The following NXPE4 variants were observed in gnomAD, a reference collection of about 807,000 sequenced individuals.
NXPE4 encodes the protein NXPE family member 4.
In NXPE4, 42 loss-of-function variants were observed where a neutral mutation model predicts 33.3. The ratio of observed to expected loss-of-function variants is 1.26; its 90% CI spans 0.98 to 1.63. The LOEUF (loss-of-function observed/expected upper bound fraction) is 1.63. NXPE4 is among the 40% of genes most tolerant of loss of function. The probability of loss-of-function intolerance (pLI) is 0.00; values close to 1 mark genes in which losing one functional copy is unlikely to be tolerated. For synonymous variants in NXPE4, 253 were observed against 234.9 expected (o/e 1.08, Z -0.71); for missense variants, 709 against 647.6 (o/e 1.09, Z -1.03).
chr11:114,649,131 G>GT, the NXPE4 span, among the ~76,000 whole-genome samples: 37,679 of 145,014 alleles, frequency 0.26, 4,845 homozygotes, highest in South Asian at 0.33. Context: ...AGCTTGTCAT[G>GT]TTTTTTTTTT....
At chr11:114,639,810 T>TAATATAAAATATATATTATATTA in the NXPE4 span, among the ~76,000 whole-genome samples, 1 of 77,950 alleles carries the variant, frequency 1.3e-5, no homozygotes, top group African/African-American at 4.7e-5. Context: ...AAATATAAAA[T>TAATATAAAATATATATTATATTA]AATATAAAAT....
intron 1 of NXPE4, 51 bp from the exon 2 acceptor site, chr11:114,594,820 A>G (rs775326859): frequency 1.5e-4 from 144 of 939,492 alleles, no homozygotes; most frequent in Middle Eastern, 5.5e-4. Context: ...CAAAACAGAA[A>G]AGCAAACAAA....
At chr11:114,667,856 A>G in the NXPE4 span, among the ~76,000 whole-genome samples, 11 of 152,142 alleles carry the variant, frequency 7.2e-5, 1 homozygote, top group Admixed American at 5.9e-4. Context: ...AGAACCACCC[A>G]AATAAGCCAC....
the NXPE4 span, among the ~76,000 whole-genome samples, chr11:114,610,582 T>C: frequency 9.4e-6 from 1 of 106,706 alleles, no homozygotes; most frequent in African/African-American, 3.0e-5. Context: ...CGGTGGATAA[T>C]AGGTATTGCC....
In NXPE4 at chr11:114,594,654, C is replaced by T. The variant is rs1439258889; in HGVS notation, c.96+10G>A. The T allele has an allele frequency of 1.3e-6, 2 of 1,557,538 alleles. No homozygotes were observed. The highest frequency in any genetic ancestry group is 8.8e-7 in the Non-Finnish European group (1 of 1,134,452). ...GCTTCTGTAAACCACATAAATAAAG[C>T]ATTTCCTACCTTTGTGGAGTTCTGG... On this transcript the variant is annotated intron_variant, in intron 2 of 5. Transcript: ENST00000375478.
the NXPE4 span, among the ~76,000 whole-genome samples, chr11:114,629,368 A>ATTGATTTAT: frequency 6.6e-6 from 1 of 152,106 alleles, no homozygotes; most frequent in Non-Finnish European, 1.5e-5. Flanking sequence ...GGTTCAATAT[A>ATTGATTTAT]CACAAATCAA....
At chr11:114,583,577 TTCTG>T (rs1949207547) in intron 2 of NXPE4, 1 of 595,212 alleles carries the variant, frequency 1.7e-6, no homozygotes, top group African/African-American at 1.9e-5. Context: ...CCTGTTTGAC[TTCTG>T]TCAGTTGTCT....
chr11:114,660,513 C>T, the NXPE4 span, among the ~76,000 whole-genome samples: 1 of 151,592 alleles, frequency 6.6e-6, no homozygotes, highest in East Asian at 1.9e-4. Context: ...GAAGAAAAAC[C>T]CTATGATAAT....
At chr11:114,595,169 C>T (rs114389767) in intron 1 of NXPE4, among the ~76,000 whole-genome samples, 2,051 of 152,240 alleles carry the variant, frequency 0.013, 37 homozygotes, top group African/African-American at 0.047. Flanking sequence ...AGAACCACAT[C>T]ATTACAGTGC....
chr11:114,629,520 T>G, the NXPE4 span, among the ~76,000 whole-genome samples: 1 of 151,502 alleles, frequency 6.6e-6, no homozygotes, highest in South Asian at 2.1e-4. Flanking sequence ...GGGACATATC[T>G]CAAAATAATA....
chr11:114,677,630 T>C, the NXPE4 span, among the ~76,000 whole-genome samples: 1 of 152,114 alleles, frequency 6.6e-6, no homozygotes, highest in African/African-American at 2.4e-5. Context: ...ATATCCATGC[T>C]GTTATATAGA....
At chr11:114,633,323 T>C in the NXPE4 span, among the ~76,000 whole-genome samples, 1 of 141,508 alleles carries the variant, frequency 7.1e-6, no homozygotes, top group Non-Finnish European at 1.5e-5. Flanking sequence ...AATTATATTA[T>C]GTGGTATTAC....
chr11:114,582,529 G>C lies in NXPE4; in HGVS notation c.589C>G (p.Gln197Glu). ...GTGAAGATCACCCTGTCATAGCCTT[G>C]GTTCCTTGCACTCCAGAGAGCTGAC... is the stretch of plus-strand genomic sequence containing the variant. ...GVSALWSARN[Q>E]GYDRVIFTGQ... Residue 197 changes from glutamine (Q) to glutamate (E), a missense_variant, in exon 3 of 6, where the codon CAA (glutamine) becomes GAA (glutamate). Transcript: ENST00000375478. The C allele has an allele frequency of 6.2e-7, 1 of 1,614,118 alleles. No homozygotes were observed. Among genetic ancestry groups the C allele is most frequent in the Admixed American group, 1.7e-5 (1 of 60,020 alleles).
At chr11:114,588,652 G>T (rs890797191) in intron 2 of NXPE4, among the ~76,000 whole-genome samples, 2 of 152,140 alleles carry the variant, frequency 1.3e-5, no homozygotes, top group Non-Finnish European at 2.9e-5. Context: ...CATCACAGAT[G>T]AATAGAAAAG....
At chr11:114,629,105 T>C in the NXPE4 span, among the ~76,000 whole-genome samples, 1 of 152,084 alleles carries the variant, frequency 6.6e-6, no homozygotes, top group African/African-American at 2.4e-5. Context: ...AAGGAGGAAC[T>C]GGTACCATTC....
intron 3 of NXPE4, 125 bp downstream of exon 3, chr11:114,582,163 C>T: frequency 1.0e-6 from 1 of 1,001,442 alleles, no homozygotes; most frequent in Non-Finnish European, 1.4e-6. Flanking sequence ...TTCACAGATC[C>T]TTTCCCCAAA....
chr11:114,580,707 G>A (rs1949123761), intron 4 of NXPE4, among the ~76,000 whole-genome samples: 1 of 152,150 alleles, frequency 6.6e-6, no homozygotes, highest in Non-Finnish European at 1.5e-5. Flanking sequence ...TTACCCCTAA[G>A]TTTGTCACAC....
At chr11:114,606,970 T>C in the NXPE4 span, among the ~76,000 whole-genome samples, 5 of 149,710 alleles carry the variant, frequency 3.3e-5, no homozygotes, top group African/African-American at 7.4e-5. Flanking sequence ...AGTGTTGCCT[T>C]GTGGGTAACC....
At chr11:114,632,499 A>G in the NXPE4 span, among the ~76,000 whole-genome samples, 1 of 125,652 alleles carries the variant, frequency 8.0e-6, no homozygotes, top group Admixed American at 1.0e-4. Context: ...AATATATATT[A>G]TAGTATTTTA....
Sources: allele counts gnomAD v4.1 joint callset (sites outside exome capture counted in the v4.1 genomes callset), GRCh38; gene constraint gnomAD v4.1.1; transcripts MANE v1.5; gene names NCBI Gene and HGNC (gene_info 2026-07-23, HGNC 2026-07-21).